Variants in WDR43 observed in about 807,000 individuals in gnomAD.
WDR43 encodes the protein WD repeat-containing protein 43.
Under a neutral mutation model 91.4 loss-of-function variants are expected in WDR43, and 13 were observed. The observed-to-expected ratio is 0.14, with a 90% CI of 0.09 to 0.23. The LOEUF (loss-of-function observed/expected upper bound fraction) is 0.23. WDR43 is among the 10% of genes least tolerant of loss of function. The pLI, the probability that WDR43 is intolerant of heterozygous loss-of-function variation, is 1.00. For missense variants in WDR43, 780 were observed against 809.4 expected (o/e 0.96, Z 0.44); for synonymous variants, 331 against 287.9 (o/e 1.15, Z -1.51).
intron 3 of WDR43, among the ~76,000 whole-genome samples, chr2:28,907,720 A>G (rs537914541): frequency 1.5e-4 from 23 of 152,250 alleles, no homozygotes; most frequent in African/African-American, 5.3e-4. Context: ...CCTGGCTAAC[A>G]TGGGGTACCA....
intron 8 of WDR43, among the ~76,000 whole-genome samples, chr2:28,926,021 A>G (rs1249336358): frequency 1.3e-5 from 2 of 152,188 alleles, no homozygotes; most frequent in Non-Finnish European, 2.9e-5. Flanking sequence ...GGACATACAG[A>G]TGCATTTTGT....
chr2:28,922,040 C>T (rs186719048), intron 6 of WDR43, among the ~76,000 whole-genome samples: 17 of 152,258 alleles, frequency 1.1e-4, no homozygotes, highest in Admixed American at 3.3e-4. Context: ...TAGCACTAAA[C>T]GTCAGAAAGA....
intron 3 of WDR43, among the ~76,000 whole-genome samples, chr2:28,907,634 G>A (rs990686166): frequency 2.1e-5 from 3 of 142,486 alleles, no homozygotes; most frequent in Non-Finnish European, 3.1e-5. Context: ...GGCTGGGCTT[G>A]GTGGCTCACG....
rs775553870 is a variant in WDR43, at chr2:28,946,890, C to T, written c.*111C>T. ...GGACCGCTGCACATTTCCAAATTCA[C>T]AGCAGTGGATCCCATGCCACTTTGC... On this transcript the variant is annotated 3_prime_UTR_variant, in exon 18 of 18. Transcript: ENST00000407426. 72 of 1,273,026 alleles carry T rather than the reference C, an allele frequency of 5.7e-5. No homozygotes were observed. The highest frequency in any genetic ancestry group is 6.8e-5 in the Non-Finnish European group (65 of 949,734). The allele number at this position is 1,273,026 out of a possible 1,614,324, so 78.9% of individuals were successfully genotyped here.
rs940824303 is a variant in WDR43, at chr2:28,898,812, ACTC to A, written c.226-3171_226-3169del. 7.9e-4 allele frequency among the ~76,000 whole-genome samples: 119 copies of A among 151,260 alleles called. 1 individual carries two copies. Among genetic ancestry groups the A allele is most frequent in the Middle Eastern group, 3.4e-3 (1 of 292 alleles). On this transcript the variant is annotated intron_variant, in intron 1 of 17. Coordinates refer to ENST00000407426, the MANE Select transcript of WDR43 (RefSeq NM_015131.3). ...TGAGAGTGTAGTGACTGCATGTAAA[ACTC>A]CTCTTTTTCTGGGATTTTAGTCTAA...
intron 1 of WDR43, among the ~76,000 whole-genome samples, chr2:28,898,705 AC>A (rs1006740788): frequency 1.3e-5 from 2 of 152,118 alleles, no homozygotes; most frequent in African/African-American, 4.8e-5. Context: ...TAAAAAAAAA[AC>A]AAAATAGAAT....
intron 2 of WDR43, among the ~76,000 whole-genome samples, chr2:28,903,128 T>C (rs1670608555): frequency 1.3e-5 from 2 of 152,210 alleles, no homozygotes; most frequent in African/African-American, 2.4e-5. Context: ...TTTCATTAGA[T>C]TACAACATAA....
rs2148174070 is a variant in WDR43, at chr2:28,894,939, C to T, written c.225+16C>T. The T allele has an allele frequency of 1.3e-6, 2 of 1,529,592 alleles. No individual in the cohort carries two copies. The highest frequency in any genetic ancestry group is 1.8e-6 in the Non-Finnish European group (2 of 1,136,082). 94.8% of individuals were successfully genotyped at this position (1,529,592 alleles called of 1,614,324 possible). ...GCAGGCCAAGGTAAAGCGAGCGGGA[C>T]TGCGCGGGGCGGGCGCCTTCCCGGG... On this transcript the variant is annotated intron_variant, in intron 1 of 17. Coordinates refer to ENST00000407426, the MANE Select transcript of WDR43 (RefSeq NM_015131.3).
chr2:28,912,562 G>T, intron 3 of WDR43, 28 bp from the exon 4 acceptor site: 2 of 1,605,352 alleles, frequency 1.2e-6, no homozygotes, highest in Non-Finnish European at 1.7e-6. Flanking sequence ...CATGTATTGA[G>T]ATGCTTTTTT....
intron 15 of WDR43, among the ~76,000 whole-genome samples, 161 bp from the exon 16 acceptor site, chr2:28,942,151 A>C (rs1206615710): frequency 6.6e-6 from 1 of 152,092 alleles, no homozygotes; most frequent in Non-Finnish European, 1.5e-5. Context: ...TCCCTCTTGT[A>C]TTTGAAGGAC....
At chr2:28,913,419 C>T (rs947304754) in intron 4 of WDR43, among the ~76,000 whole-genome samples, 10 of 152,174 alleles carry the variant, frequency 6.6e-5, no homozygotes, top group African/African-American at 2.4e-4. Context: ...CAGCCTTGAC[C>T]TCCCAGGCTC....
chr2:28,935,747 C>CAA (rs58846266), intron 12 of WDR43, 140 bp downstream of exon 12: 77 of 243,818 alleles, frequency 3.2e-4, no homozygotes, highest in Middle Eastern at 1.3e-3. Context: ...GTACTTTAGA[C>CAA]AAAAAAAAAA....
intron 3 of WDR43, among the ~76,000 whole-genome samples, chr2:28,910,245 G>C (rs1424506116): frequency 6.6e-6 from 1 of 152,174 alleles, no homozygotes; most frequent in Non-Finnish European, 1.5e-5. Flanking sequence ...TACTGAGTGG[G>C]GAAGTAGATG....
chr2:28,926,251 T>A (rs933535994), intron 8 of WDR43, among the ~76,000 whole-genome samples: 1 of 152,248 alleles, frequency 6.6e-6, no homozygotes, highest in Non-Finnish European at 1.5e-5. Flanking sequence ...TGGTACCCAA[T>A]GTCTTCAGAA....
chr2:28,914,980 T>C (rs1670878520), intron 5 of WDR43, among the ~76,000 whole-genome samples: 1 of 151,838 alleles, frequency 6.6e-6, no homozygotes, highest in Non-Finnish European at 1.5e-5. Context: ...TTAAAGAAAT[T>C]TCCTGGATTT....
Position 28,942,397 on chromosome 2 carries a change from A to G in WDR43, c.1804+16A>G. 2 of 1,611,198 alleles carry G rather than the reference A, an allele frequency of 1.2e-6. No homozygotes were observed. The highest frequency in any genetic ancestry group is 1.7e-6 in the Non-Finnish European group (2 of 1,178,196). On this transcript the variant is annotated intron_variant, in intron 16 of 17. Transcript: ENST00000407426. The stretch of plus-strand genomic sequence containing the variant: ...TATGAAGAAGGTAAAGACTGGGGGA[A>G]TGGGATGGAGTCTAGAATTATAACA...
At chr2:28,920,934 C>T (rs1217764330) in intron 6 of WDR43, among the ~76,000 whole-genome samples, 2 of 152,096 alleles carry the variant, frequency 1.3e-5, no homozygotes, top group Admixed American at 6.5e-5. Flanking sequence ...ACCTTGGCCT[C>T]ACAAAGTGCT....
At chr2:28,916,656 T>A (rs1417973238) in intron 5 of WDR43, among the ~76,000 whole-genome samples, 1 of 152,156 alleles carries the variant, frequency 6.6e-6, no homozygotes, top group Non-Finnish European at 1.5e-5. Context: ...CACACGCTTA[T>A]CCCTATATCG....
intron 2 of WDR43, among the ~76,000 whole-genome samples, chr2:28,904,508 G>A (rs1031140349): frequency 3.3e-5 from 5 of 152,236 alleles, no homozygotes; most frequent in Non-Finnish European, 5.9e-5. Context: ...GCTGGCAATA[G>A]TATTATGTAA....
Sources: gnomAD v4.1 joint callset for allele counts (sites outside exome capture counted in the v4.1 genomes callset) on GRCh38, gnomAD v4.1.1 for gene constraint, MANE v1.5 for transcripts, NCBI Gene and HGNC (gene_info 2026-07-23, HGNC 2026-07-21) for gene names.